The following TMTC2 variants were observed in gnomAD, a reference collection of about 807,000 sequenced individuals.
TMTC2 encodes the protein transmembrane O-mannosyltransferase targeting cadherins 2.
Under a neutral mutation model 82.4 loss-of-function variants are expected in TMTC2, and 43 were observed. That is an observed-to-expected ratio of 0.52 (90% CI 0.41 to 0.67). The LOEUF is 0.67. Among genes scored for constraint, TMTC2 ranks in the 30% least tolerant of loss-of-function variants. The pLI is 0.00. For synonymous variants in TMTC2, 408 were observed against 381.9 expected, an observed-to-expected ratio of 1.07 and a Z score of -0.80; for missense variants, 919 against 1,012.4, an observed-to-expected ratio of 0.91 and a Z score of 1.25.
At chr12:82,826,008 G>A (rs1278915882) in intron 1 of TMTC2, among the ~76,000 whole-genome samples, 1 of 152,186 alleles carries the variant, frequency 6.6e-6, no homozygotes, top group Non-Finnish European at 1.5e-5. Context: ...AATGATGGTT[G>A]TAGTAAATTA....
At chr12:82,824,915 C>A (rs960741258) in intron 1 of TMTC2, among the ~76,000 whole-genome samples, 4 of 152,102 alleles carry the variant, frequency 2.6e-5, no homozygotes, top group African/African-American at 9.6e-5. Flanking sequence ...ATGGTGAAAC[C>A]CCGTATCTAC....
intron 1 of TMTC2, among the ~76,000 whole-genome samples, chr12:82,818,230 G>A (rs1868865724): frequency 6.6e-6 from 1 of 151,866 alleles, no homozygotes. Flanking sequence ...TTTTATCTAT[G>A]GAAAAGCAGA....
chr12:83,065,078 T>C (rs879403362), intron 11 of TMTC2, among the ~76,000 whole-genome samples: 29 of 151,924 alleles, frequency 1.9e-4, no homozygotes, highest in Non-Finnish European at 3.5e-4. Flanking sequence ...ATGTGGGAGA[T>C]TCTGTGAATG....
chr12:82,794,044 T>C (rs1428058222), intron 1 of TMTC2, among the ~76,000 whole-genome samples: 5 of 152,160 alleles, frequency 3.3e-5, no homozygotes, highest in Admixed American at 6.6e-5. Context: ...CTTTACAATT[T>C]GATGGCTCCA....
intron 3 of TMTC2, among the ~76,000 whole-genome samples, chr12:82,928,742 G>A (rs1625996): frequency 0.17 from 26,235 of 152,118 alleles, 4,371 homozygotes; most frequent in African/African-American, 0.44. Context: ...GCACTTATGT[G>A]TGGAACTGTG....
chr12:82,886,219 C>T (rs567634891), intron 2 of TMTC2, among the ~76,000 whole-genome samples: 2 of 152,264 alleles, frequency 1.3e-5, no homozygotes, highest in South Asian at 4.1e-4. Flanking sequence ...CCCTTTCTGG[C>T]ACTACAAGTT....
chr12:83,089,400 C>G (rs1290244877), intron 11 of TMTC2, among the ~76,000 whole-genome samples: 1 of 152,202 alleles, frequency 6.6e-6, no homozygotes, highest in Non-Finnish European at 1.5e-5. Flanking sequence ...AGTAAACACT[C>G]AATAAATGTC....
At chr12:82,798,808 A>C (rs1392572747) in intron 1 of TMTC2, among the ~76,000 whole-genome samples, 1 of 67,746 alleles carries the variant, frequency 1.5e-5, no homozygotes, top group Non-Finnish European at 3.1e-5. Context: ...ACTCCGTCTC[A>C]AAAAAAAAAA....
At chr12:82,809,691 A>C (rs1026992039) in intron 1 of TMTC2, among the ~76,000 whole-genome samples, 2 of 152,144 alleles carry the variant, frequency 1.3e-5, no homozygotes, top group African/African-American at 4.8e-5. Context: ...AGGCAGGAGC[A>C]GATTCTGTGT....
intron 11 of TMTC2, among the ~76,000 whole-genome samples, chr12:83,111,417 G>T (rs1163265044): frequency 1.3e-5 from 2 of 152,170 alleles, no homozygotes; most frequent in East Asian, 3.8e-4. Flanking sequence ...ATCAAGTGTG[G>T]TTATGTTCCA....
chr12:82,742,781 C>T (rs1875486544), intron 1 of TMTC2, among the ~76,000 whole-genome samples: 1 of 152,160 alleles, frequency 6.6e-6, no homozygotes, highest in Non-Finnish European at 1.5e-5. Flanking sequence ...GCCTCAGCCG[C>T]CCGAAGTGCT....
intron 11 of TMTC2, among the ~76,000 whole-genome samples, chr12:83,124,553 T>C (rs1425343024): frequency 6.8e-6 from 1 of 147,258 alleles, no homozygotes; most frequent in Non-Finnish European, 1.5e-5. Flanking sequence ...GAATAAGAAA[T>C]TGTTGAAATC....
intron 1 of TMTC2, among the ~76,000 whole-genome samples, chr12:82,719,477 A>G (rs549410077): frequency 2.0e-5 from 3 of 152,186 alleles, no homozygotes; most frequent in Non-Finnish European, 2.9e-5. Context: ...ATATTCACTT[A>G]AAAATTTTAG....
At chr12:83,021,110 A>G (rs888195495) in intron 8 of TMTC2, among the ~76,000 whole-genome samples, 1 of 152,186 alleles carries the variant, frequency 6.6e-6, no homozygotes, top group African/African-American at 2.4e-5. Flanking sequence ...AAACATGATT[A>G]AAATGTAAGT....
At chr12:82,988,934 C>G (rs1879288268) in intron 8 of TMTC2, among the ~76,000 whole-genome samples, 1 of 149,060 alleles carries the variant, frequency 6.7e-6, no homozygotes, top group Admixed American at 6.8e-5. Flanking sequence ...AATGGGTAAC[C>G]AAGGATCATC....
Position 82,732,419 on chromosome 12 carries a change from T to G in TMTC2, c.83+44750T>G, listed in dbSNP as rs563891233. Among the ~76,000 whole-genome samples the G allele has an allele frequency of 6.6e-5, 10 of 152,250 alleles. No individual in the cohort carries two copies. In the South Asian group the frequency reaches 1.9e-3, roughly 28 times the overall value. On this transcript the variant is annotated intron_variant, in intron 1 of 11. Coordinates refer to ENST00000321196, the MANE Select transcript of TMTC2 (RefSeq NM_152588.3). ...GTGCAGTGGCGCGATCTCGGCTCAC[T>G]GCAACCTCTGCCTCCCAGGTTCACG...
intron 11 of TMTC2, among the ~76,000 whole-genome samples, chr12:83,079,685 G>A (rs1883399698): frequency 6.6e-6 from 1 of 152,016 alleles, no homozygotes; most frequent in South Asian, 2.1e-4. Flanking sequence ...AATACCAGAA[G>A]TTATAGAAAC....
chr12:82,887,469 G>T (rs902286491), intron 2 of TMTC2, among the ~76,000 whole-genome samples: 3 of 152,102 alleles, frequency 2.0e-5, no homozygotes, highest in African/African-American at 4.8e-5. Context: ...CTTCTCATTG[G>T]CTTCTCCCTC....
intron 1 of TMTC2, among the ~76,000 whole-genome samples, chr12:82,812,070 G>A (rs959856626): frequency 1.3e-5 from 2 of 151,726 alleles, no homozygotes; most frequent in African/African-American, 2.4e-5. Context: ...CACCTGCCTC[G>A]GCCTCCCAAG....
Sources: gnomAD v4.1 joint callset for allele counts (sites outside exome capture counted in the v4.1 genomes callset) on GRCh38, gnomAD v4.1.1 for gene constraint, MANE v1.5 for transcripts, NCBI Gene and HGNC (gene_info 2026-07-23, HGNC 2026-07-21) for gene names.